ITFG1: variants seen among roughly 807,000 people sequenced by gnomAD.
ITFG1 encodes the protein T-cell immunomodulatory protein.
In ITFG1, 34 loss-of-function variants were observed where a neutral mutation model predicts 81.8. The observed-to-expected ratio is 0.42, with a 90% CI of 0.32 to 0.55. The LOEUF is 0.55. ITFG1 is among the 20% of genes least tolerant of loss of function. ITFG1 has a pLI of 0.17. For synonymous variants in ITFG1, 285 were observed against 270.6 expected, an observed-to-expected ratio of 1.05 and a Z score of -0.52; for missense variants, 672 against 755.4, an observed-to-expected ratio of 0.89 and a Z score of 1.29.
intron 10 of ITFG1, among the ~76,000 whole-genome samples, chr16:47,295,039 G>A (rs1251143534): frequency 6.6e-6 from 1 of 152,058 alleles, no homozygotes. Flanking sequence ...TGCTCACTAT[G>A]CCTAGGTTTT....
chr16:47,406,012 C>T (rs1458940931), intron 6 of ITFG1, among the ~76,000 whole-genome samples: 1 of 152,162 alleles, frequency 6.6e-6, no homozygotes, highest in East Asian at 1.9e-4. Flanking sequence ...TTACGGCATA[C>T]TTGAAATAAA....
chr16:47,371,186 T>C (rs1472225006), intron 7 of ITFG1, among the ~76,000 whole-genome samples: 1 of 152,246 alleles, frequency 6.6e-6, no homozygotes, highest in East Asian at 1.9e-4. Context: ...TAGAAACAGA[T>C]TTCCTAGCTC....
At chr16:47,183,402 A>C (rs1182826895) in intron 14 of ITFG1, among the ~76,000 whole-genome samples, 8 of 152,184 alleles carry the variant, frequency 5.3e-5, no homozygotes, top group Non-Finnish European at 7.4e-5. Flanking sequence ...TGAAGAGAGC[A>C]GTGGTTCTCC....
chr16:47,226,162 A>C (rs1184067080), intron 13 of ITFG1, among the ~76,000 whole-genome samples: 1 of 152,216 alleles, frequency 6.6e-6, no homozygotes, highest in Non-Finnish European at 1.5e-5. Context: ...GATTGTTTCT[A>C]AGTTACGATG....
At chr16:47,236,297 A>C (rs1965872574) in intron 13 of ITFG1, among the ~76,000 whole-genome samples, 1 of 151,944 alleles carries the variant, frequency 6.6e-6, no homozygotes, top group Admixed American at 6.6e-5. Flanking sequence ...AACACGGTAA[A>C]ACCCCGTCTC....
intron 9 of ITFG1, chr16:47,311,855 AC>A (rs1967269201): frequency 6.5e-6 from 1 of 153,152 alleles, no homozygotes; most frequent in African/African-American, 2.4e-5. Context: ...CATGACAGAG[AC>A]CCCGTTGTTC....
intron 6 of ITFG1, among the ~76,000 whole-genome samples, chr16:47,397,085 T>C (rs1231295913): frequency 6.6e-6 from 1 of 152,174 alleles, no homozygotes; most frequent in African/African-American, 2.4e-5. Context: ...AGGAGGAGAT[T>C]TGCAGATATT....
At chr16:47,170,525 G>A (rs932068845) in intron 14 of ITFG1, among the ~76,000 whole-genome samples, 3 of 151,582 alleles carry the variant, frequency 2.0e-5, no homozygotes, top group African/African-American at 7.3e-5. Context: ...TACCTCCTGT[G>A]TTCAAGTGAT....
At chr16:47,236,221 A>T (rs1395887204) in intron 13 of ITFG1, among the ~76,000 whole-genome samples, 1 of 152,168 alleles carries the variant, frequency 6.6e-6, no homozygotes, top group Non-Finnish European at 1.5e-5. Context: ...CATGCCTGTA[A>T]TCCCAGCACT....
At position 47,164,180 on chromosome 16, in the gene ITFG1, C is replaced by CT. The variant is rs77652330; in HGVS notation, c.1454-1517dup. Among the ~76,000 whole-genome samples the CT allele has an allele frequency of 8.4e-3, 1,140 of 136,422 alleles. 17 individuals are homozygous for CT. Among genetic ancestry groups the CT allele is most frequent in the African/African-American group, 0.027 (1,013 of 37,484 alleles). The allele number at this position is 136,422 out of a possible 152,430, so 89.5% of individuals were successfully genotyped here. On this transcript the variant is annotated intron_variant, in intron 14 of 17. Coordinates refer to ENST00000320640, the MANE Select transcript of ITFG1 (RefSeq NM_030790.5). ...TTGTTACTGTTTATTTGTTTAGTGA[C>CT]TTTTTTTTTTTTTTCATGTAGTGAA...
intron 8 of ITFG1, among the ~76,000 whole-genome samples, chr16:47,328,035 G>A (rs1009025391): frequency 8.5e-5 from 13 of 152,070 alleles, no homozygotes; most frequent in African/African-American, 3.1e-4. Flanking sequence ...TGTTTACTGC[G>A]GCACTATTCA....
chr16:47,314,577 G>A (rs1207322883), intron 8 of ITFG1, among the ~76,000 whole-genome samples: 1 of 152,118 alleles, frequency 6.6e-6, no homozygotes, highest in Non-Finnish European at 1.5e-5. Flanking sequence ...GTGAGGTTAT[G>A]GAGGAAGTTA....
intron 14 of ITFG1, among the ~76,000 whole-genome samples, chr16:47,197,146 T>G (rs930607505): frequency 4.6e-5 from 7 of 152,244 alleles, no homozygotes; most frequent in African/African-American, 1.7e-4. Flanking sequence ...CTGTCTTTTG[T>G]GGAGGAAATG....
At chr16:47,179,978 C>T (rs1313710274) in intron 14 of ITFG1, among the ~76,000 whole-genome samples, 1 of 152,170 alleles carries the variant, frequency 6.6e-6, no homozygotes, top group Non-Finnish European at 1.5e-5. Context: ...TATATCTGAA[C>T]TCAGTTTATA....
intron 14 of ITFG1, 79 bp downstream of exon 14, chr16:47,218,789 A>AT: frequency 2.6e-6 from 2 of 765,638 alleles, no homozygotes; most frequent in Non-Finnish European, 4.1e-6. Flanking sequence ...TGAAAACATA[A>AT]TTTTTTCCAC....
chr16:47,159,429 G>GT (rs1156757905), intron 16 of ITFG1, among the ~76,000 whole-genome samples: 1 of 152,090 alleles, frequency 6.6e-6, no homozygotes, highest in African/African-American at 2.4e-5. Flanking sequence ...TTTTTGACCT[G>GT]TGTCACATAT....
At chr16:47,459,412 G>A (rs961744136) in intron 1 of ITFG1, among the ~76,000 whole-genome samples, 1 of 152,212 alleles carries the variant, frequency 6.6e-6, no homozygotes, top group African/African-American at 2.4e-5. Flanking sequence ...AAAAGCAGCT[G>A]ATCAAGAGAA....
chr16:47,228,516 G>A (rs1965782300), intron 13 of ITFG1, among the ~76,000 whole-genome samples: 1 of 152,082 alleles, frequency 6.6e-6, no homozygotes, highest in Non-Finnish European at 1.5e-5. Context: ...GCCACCACAT[G>A]CAGCTAATGT....
chr16:47,372,279 C>T (rs1272601647), intron 7 of ITFG1, among the ~76,000 whole-genome samples: 33 of 152,084 alleles, frequency 2.2e-4, no homozygotes, highest in Admixed American at 2.1e-3. Context: ...AGGTCTTGCT[C>T]TGTCGCTCAG....
Sources: gnomAD v4.1 joint callset for allele counts (sites outside exome capture counted in the v4.1 genomes callset) on GRCh38, gnomAD v4.1.1 for gene constraint, MANE v1.5 for transcripts, NCBI Gene and HGNC (gene_info 2026-07-23, HGNC 2026-07-21) for gene names.